The following RSRC2 variants were observed in gnomAD, a reference collection of about 807,000 sequenced individuals.
RSRC2 encodes the protein arginine and serine rich coiled-coil 2.
A neutral mutation model predicts 61.3 loss-of-function variants in RSRC2; 5 were observed. The observed-to-expected ratio is 0.08, with a 90% CI of 0.04 to 0.17. The LOEUF is 0.17. Among genes scored for constraint, RSRC2 ranks in the 10% least tolerant of loss-of-function variants. The pLI, the probability that RSRC2 is intolerant of heterozygous loss-of-function variation, is 1.00. For synonymous variants in RSRC2, 202 were observed against 166.5 expected, an observed-to-expected ratio of 1.21 and a Z score of -1.64; for missense variants, 381 against 518.8, an observed-to-expected ratio of 0.73 and a Z score of 2.58.
At chr12:122,512,708 G>A (rs531599247) in intron 6 of RSRC2, among the ~76,000 whole-genome samples, 51 of 147,088 alleles carry the variant, frequency 3.5e-4, no homozygotes, top group African/African-American at 1.3e-3. Flanking sequence ...CTCCAGCCTA[G>A]GCAACAAGAC....
intron 7 of RSRC2, 28 bp downstream of exon 7, chr12:122,511,081 A>G: frequency 6.6e-7 from 1 of 1,519,864 alleles, no homozygotes; most frequent in South Asian, 1.2e-5. Flanking sequence ...TCAAATCGAG[A>G]TGACTAAAAA....
intron 9 of RSRC2, 22 bp from the exon 10 acceptor site, chr12:122,505,728 TTACAATGAATTC>T: frequency 2.5e-6 from 4 of 1,588,014 alleles, no homozygotes. Flanking sequence ...ACATAAAACA[TTACAATGAATTC>T]AGATGGAGAT....
At chr12:122,513,670 G>A in intron 6 of RSRC2, 1 of 333,996 alleles carries the variant, frequency 3.0e-6, no homozygotes, top group Non-Finnish European at 4.3e-6. Flanking sequence ...TCAGAAAGAA[G>A]ATACGTGTGA....
rs1017706545 is a variant in RSRC2, at chr12:122,507,206, C to T, written c.1036-283G>A. 2.1e-5 allele frequency: 8 copies of T among 378,492 alleles called. 1 individual carries two copies. Among genetic ancestry groups the T allele is most frequent in the East Asian group, 1.3e-4 (2 of 15,578 alleles). 23.4% of individuals were successfully genotyped at this position (378,492 alleles called of 1,614,324 possible). ...TAGCCTGGATGACTAGGTGAAACCC[C>T]GTCTCTACTAAAAATACAAAAAACT... On this transcript the variant is annotated intron_variant, in intron 8 of 9. Transcript: ENST00000331738.
intron 1 of RSRC2, among the ~76,000 whole-genome samples, chr12:122,525,025 G>A (rs193201095): frequency 3.5e-4 from 54 of 152,272 alleles, no homozygotes; most frequent in Non-Finnish European, 3.4e-4. Flanking sequence ...CTAGGGGACT[G>A]TCTTTTTATT....
chr12:122,508,950 CCGTATCAAAACAAAAA>C (rs1358783148), intron 7 of RSRC2, among the ~76,000 whole-genome samples: 1 of 151,538 alleles, frequency 6.6e-6, no homozygotes, highest in East Asian at 1.9e-4. Context: ...GAGCGAAACT[CCGTATCAAAACAAAAA>C]AAAAACCCAT....
At chr12:122,509,372 C>A (rs1958327039) in intron 7 of RSRC2, among the ~76,000 whole-genome samples, 1 of 151,844 alleles carries the variant, frequency 6.6e-6, no homozygotes, top group Non-Finnish European at 1.5e-5. Context: ...ATCACTTGAA[C>A]CCGAGAGGTG....
At chr12:122,525,043 G>A (rs1032303757) in intron 1 of RSRC2, among the ~76,000 whole-genome samples, 1 of 152,094 alleles carries the variant, frequency 6.6e-6, no homozygotes, top group Non-Finnish European at 1.5e-5. Context: ...ATTGAACAAG[G>A]CACGGCATAA....
intron 8 of RSRC2, chr12:122,507,318 G>A (rs1194610423): frequency 4.2e-6 from 1 of 236,784 alleles, no homozygotes; most frequent in Non-Finnish European, 8.5e-6. Flanking sequence ...GGAGGCAGAG[G>A]TTGCAGTGAG....
chr12:122,516,872 T>C (rs150977908), intron 5 of RSRC2, among the ~76,000 whole-genome samples: 1 of 152,250 alleles, frequency 6.6e-6, no homozygotes, highest in Non-Finnish European at 1.5e-5. Context: ...TTCATATCTT[T>C]TGTAGACATG....
At chr12:122,517,535 T>G (rs1959032129) in intron 4 of RSRC2, 105 bp from the exon 5 acceptor site, 2 of 1,279,524 alleles carry the variant, frequency 1.6e-6, no homozygotes, top group Non-Finnish European at 2.2e-6. Flanking sequence ...GACAAGCAAG[T>G]AACTGCACTA....
In RSRC2 at chr12:122,514,834, A is replaced by C; in HGVS notation, c.725+271T>G. ...CTCAAAAAAAAAAAGTTTCAAATGC[A>C]AACTGAAAATATTTGGGAGTCTAAA... On this transcript the variant is annotated intron_variant, in intron 6 of 9. Transcript: ENST00000331738. The C allele has an allele frequency of 5.4e-6, 4 of 735,590 alleles. No homozygotes were observed. The South Asian group carries it at 9.0e-5, about 17-fold the overall frequency. 45.6% of individuals were successfully genotyped at this position (735,590 alleles called of 1,614,324 possible). A position where few individuals can be genotyped will look rare whatever the true frequency, so the allele number is the denominator to read the frequency against.
chr12:122,506,755 G>C (rs1193761235), intron 9 of RSRC2, 79 bp downstream of exon 9: 1 of 870,122 alleles, frequency 1.1e-6, no homozygotes, highest in Non-Finnish European at 1.9e-6. Context: ...GTAAAGACCA[G>C]AACTAAGAAA....
Position 122,517,366 on chromosome 12 carries a change from A to G in RSRC2, c.463T>C (p.Ser155Pro). The G allele has an allele frequency of 6.2e-7, 1 of 1,613,594 alleles. No individual in the cohort carries two copies. Residue 155 changes from serine to proline, a missense_variant, in exon 5 of 10, where the codon TCG becomes CCG. Transcript: ENST00000331738. ...TTCCTCTCTCTGCTTCTGGATCTCGATTTCTTCCGCTCCCTACTCCTGGAT... is the reference window on the plus strand; with the variant it reads ...TTCCTCTCTCTGCTTCTGGATCTCGGTTTCTTCCGCTCCCTACTCCTGGAT... ...SRSRSRERKK[S>P]RSRSRERKKS...
chr12:122,522,538 A>T, intron 1 of RSRC2: 2 of 325,364 alleles, frequency 6.1e-6, no homozygotes, highest in Non-Finnish European at 5.6e-6. Flanking sequence ...TTTTCTAACG[A>T]TGATTTGTAT....
chr12:122,510,039 C>T (rs944419589), intron 7 of RSRC2, among the ~76,000 whole-genome samples: 1 of 152,132 alleles, frequency 6.6e-6, no homozygotes, highest in African/African-American at 2.4e-5. Flanking sequence ...CCAGGCTGGT[C>T]TTGAACTACT....
chr12:122,513,429 TAAAG>T (rs1018074344), intron 6 of RSRC2, among the ~76,000 whole-genome samples: 3 of 151,894 alleles, frequency 2.0e-5, no homozygotes, highest in Admixed American at 6.6e-5. Context: ...ATTCTGAAAT[TAAAG>T]AACTACATTT....
chr12:122,507,895 G>C (rs992543137), intron 8 of RSRC2: 5 of 381,914 alleles, frequency 1.3e-5, no homozygotes, highest in Non-Finnish European at 2.5e-5. Context: ...CTGCATCCCA[G>C]GCTCAAGCGA....
At chr12:122,509,827 G>GT (rs914996459) in intron 7 of RSRC2, among the ~76,000 whole-genome samples, 1 of 151,934 alleles carries the variant, frequency 6.6e-6, no homozygotes, top group Admixed American at 6.6e-5. Flanking sequence ...ATAATTTTTT[G>GT]TTTTTTGTTT....
Sources: allele counts gnomAD v4.1 joint callset (sites outside exome capture counted in the v4.1 genomes callset), GRCh38; gene constraint gnomAD v4.1.1; transcripts MANE v1.5; gene names NCBI Gene and HGNC (gene_info 2026-07-23, HGNC 2026-07-21).